The following AP2A2 variants were observed in gnomAD, a reference collection of about 807,000 sequenced individuals.
AP2A2 encodes AP-2 complex subunit alpha-2.
AP2A2 carries 32 observed loss-of-function variants against 104.2 expected under a neutral mutation model. The observed-to-expected ratio is 0.31, with a 90% CI of 0.23 to 0.41. The LOEUF (loss-of-function observed/expected upper bound fraction) is 0.41. Among genes scored for constraint, AP2A2 ranks in the 10% least tolerant of loss-of-function variants. The pLI, the probability that AP2A2 is intolerant of heterozygous loss-of-function variation, is 1.00. For synonymous variants in AP2A2, 539 were observed against 533.3 expected (o/e 1.01, Z -0.15); for missense variants, 912 against 1,261.0 (o/e 0.72, Z 4.19).
Position 988,444 on chromosome 11 carries a change from G to A in AP2A2, c.1132-108G>A, listed in dbSNP as rs1183863379. The A allele has an allele frequency of 2.1e-6, 3 of 1,402,652 alleles. No homozygotes were observed. In the African/African-American group the frequency reaches 4.2e-5, roughly 20 times the overall value. 86.9% of individuals were successfully genotyped at this position (1,402,652 alleles called of 1,614,324 possible). On this transcript the variant is annotated intron_variant, in intron 9 of 21. Transcript: ENST00000448903. ...TCCCTGGACCTGGATGTGCATGTGA[G>A]GGAAACTCAGAGTGGGTGTTGAGAT...
intron 17 of AP2A2, chr11:1,006,889 C>T: frequency 2.3e-6 from 1 of 429,912 alleles, no homozygotes; most frequent in East Asian, 4.3e-5. Flanking sequence ...GTGTGAGTCC[C>T]TTTCCTTTTC....
chr11:1,010,189 C>T (rs1485527694), intron 21 of AP2A2: 1 of 482,522 alleles, frequency 2.1e-6, no homozygotes, highest in Non-Finnish European at 3.7e-6. Flanking sequence ...TGTTCCTTCT[C>T]ACCACGTCCC....
chr11:993,965 G>A lies in AP2A2; in HGVS notation c.1762G>A (p.Val588Met), dbSNP rs767531638. 1.1e-4 allele frequency: 184 copies of A among 1,611,840 alleles called. No individual in the cohort carries two copies. The highest frequency in any genetic ancestry group is 1.5e-4 in the Non-Finnish European group (176 of 1,179,224). Residue 588 changes from valine (V) to methionine (M), a missense_variant, in exon 13 of 22, where the codon GTG becomes ATG. Around this residue, in one of 7 missense-constraint regions of AP2A2, gnomAD observed 137 missense variants for 186.9 expected, o/e 0.73. Transcript: ENST00000448903. The surrounding 1 kb of genome is among the most constrained non-coding windows in gnomAD (Gnocchi z 8.2). ...TGTGGAGTACCTGCGGCTCAGCACC[G>A]TGGCCAGCACCGACATTCTGGTAGG... ...RAVEYLRLST[V>M]ASTDILATVL...
intron 1 of AP2A2, 33 bp downstream of exon 1, chr11:926,121 GGGGCCGCCGGCGGAGACGGGGTCT>G (rs1464175925): frequency 1.4e-5 from 17 of 1,243,498 alleles, no homozygotes; most frequent in African/African-American, 6.3e-5. Context: ...GGCCGGGGCC[GGGGCCGCCGGCGGAGACGGGGTCT>G]GGGAGCGGAG....
chr11:925,880 G>T lies in AP2A2; in HGVS notation c.-142G>T. The T allele has an allele frequency of 3.9e-6, 2 of 516,086 alleles. No individual in the cohort carries two copies. Among genetic ancestry groups the T allele is most frequent in the Admixed American group, 4.7e-5 (1 of 21,118 alleles). 32.0% of individuals were successfully genotyped at this position (516,086 alleles called of 1,614,324 possible). A position where few individuals can be genotyped will look rare whatever the true frequency, so the allele number is the denominator to read the frequency against. ...CGCGCGCGGCGGCCCAGAAAGCGGC[G>T]CTGGGACCCTGAGGCGGCCGTGGTT... On this transcript the variant is annotated 5_prime_UTR_variant, in exon 1 of 22. Transcript: ENST00000448903.
intron 1 of AP2A2, among the ~76,000 whole-genome samples, chr11:949,190 C>T (rs973671924): frequency 1.3e-5 from 2 of 151,562 alleles, no homozygotes; most frequent in Non-Finnish European, 2.9e-5. Context: ...GCAGGAGAAT[C>T]GCTTGAAACC....
intron 9 of AP2A2, among the ~76,000 whole-genome samples, chr11:987,456 C>T (rs554362840): frequency 1.4e-4 from 21 of 151,870 alleles, no homozygotes; most frequent in African/African-American, 1.9e-4. Context: ...GAGACCATCC[C>T]GGCTAACACG....
At position 925,954 on chromosome 11, in the gene AP2A2, C is replaced by G. The variant is rs1036364440; in HGVS notation, c.-68C>G. ...CGCGGCGGTGACGGCGACCGCACTC[C>G]CCGCTTCCCGCTCCCCGCGCTCCTC... On this transcript the variant is annotated 5_prime_UTR_variant, in exon 1 of 22. Coordinates refer to ENST00000448903, the MANE Select transcript of AP2A2 (RefSeq NM_012305.4). 1.6e-6 allele frequency: 2 copies of G among 1,259,232 alleles called. No homozygotes were observed. Among genetic ancestry groups the G allele is most frequent in the East Asian group, 6.6e-5 (2 of 30,188 alleles). The allele number at this position is 1,259,232 out of a possible 1,614,324, so 78.0% of individuals were successfully genotyped here.
In AP2A2 at chr11:993,063, C is replaced by T. The variant is rs1855715683; in HGVS notation, c.1453-221C>T. ...CAGCCAGAGCCTGTTGTGGATGCTG[C>T]AGCTCCCTCCAGGGCAGGTCAGCGT... is the stretch of plus-strand genomic sequence containing the variant. On this transcript the variant is annotated intron_variant, in intron 11 of 21. Transcript: ENST00000448903. The surrounding 1 kb of genome is among the most constrained non-coding windows in gnomAD (Gnocchi z 8.2). 6.6e-6 allele frequency among the ~76,000 whole-genome samples: 1 copy of T among 152,196 alleles called. No homozygotes were observed. The highest frequency in any genetic ancestry group is 2.4e-5 in the African/African-American group (1 of 41,452).
intron 10 of AP2A2, among the ~76,000 whole-genome samples, chr11:989,418 T>C (rs1475496517): frequency 6.6e-6 from 1 of 152,170 alleles, no homozygotes; most frequent in African/African-American, 2.4e-5. Context: ...GCCCCAGGTC[T>C]GAGTGAGGCT....
chr11:932,542 C>T (rs1853324484), intron 1 of AP2A2, among the ~76,000 whole-genome samples: 1 of 152,232 alleles, frequency 6.6e-6, no homozygotes, highest in Non-Finnish European at 1.5e-5. Flanking sequence ...TTTGACTGTA[C>T]ATTCCTAAAA....
At chr11:946,259 A>G (rs1231095027) in intron 1 of AP2A2, among the ~76,000 whole-genome samples, 1 of 152,106 alleles carries the variant, frequency 6.6e-6, no homozygotes, top group Non-Finnish European at 1.5e-5. Context: ...CTGCCTTATA[A>G]CCATGGTAGC....
chr11:956,255 T>A (rs1272582836), intron 1 of AP2A2, among the ~76,000 whole-genome samples: 1 of 152,106 alleles, frequency 6.6e-6, no homozygotes, highest in African/African-American at 2.4e-5. Flanking sequence ...CTCTGCCTCC[T>A]GGGTTCAAGT....
At chr11:1,007,029 T>A (rs1174262371) in intron 17 of AP2A2, 1 of 163,316 alleles carries the variant, frequency 6.1e-6, no homozygotes, top group Non-Finnish European at 1.3e-5. Context: ...GCCGAGCTTG[T>A]GTGTGCTTCT....
chr11:938,674 C>T (rs535663223), intron 1 of AP2A2, among the ~76,000 whole-genome samples: 1 of 151,988 alleles, frequency 6.6e-6, no homozygotes, highest in South Asian at 2.1e-4. Flanking sequence ...CGGGGTTTCA[C>T]CGTGTTAACC....
chr11:997,503 A>G (rs549615160), intron 14 of AP2A2, among the ~76,000 whole-genome samples: 2 of 152,316 alleles, frequency 1.3e-5, no homozygotes, highest in African/African-American at 4.8e-5. Flanking sequence ...TTAGGACCCT[A>G]CTGTCCTGGG....
At position 1,010,676 on chromosome 11, in the gene AP2A2, G is replaced by A; in HGVS notation, c.*51G>A. 6.7e-7 allele frequency: 1 copy of A among 1,490,706 alleles called. No homozygotes were observed. The highest frequency in any genetic ancestry group is 9.2e-7 in the Non-Finnish European group (1 of 1,089,502). The allele number at this position is 1,490,706 out of a possible 1,614,324, so 92.3% of individuals were successfully genotyped here. A position where few individuals can be genotyped will look rare whatever the true frequency, so the allele number is the denominator to read the frequency against. ...TGTGTCTTGTGTTGTCTTCGTCTGT[G>A]CCGTTTGTCTTCGTGGCCATCCTGC... On this transcript the variant is annotated 3_prime_UTR_variant, in exon 22 of 22. Coordinates refer to ENST00000448903, the MANE Select transcript of AP2A2 (RefSeq NM_012305.4).
At chr11:970,616 C>CCTTA (rs370101563) in intron 3 of AP2A2, among the ~76,000 whole-genome samples, 1 of 152,402 alleles carries the variant, frequency 6.6e-6, no homozygotes, top group Non-Finnish European at 1.5e-5. Flanking sequence ...TTGCAACCTC[C>CCTTA]CTTACGGCGA....
chr11:974,837 T>C (rs1161299016), intron 4 of AP2A2, among the ~76,000 whole-genome samples: 1 of 150,132 alleles, frequency 6.7e-6, no homozygotes, highest in Non-Finnish European at 1.5e-5. Flanking sequence ...CCAGAAAAAT[T>C]AGCTGGGCAT....
Sources: allele counts gnomAD v4.1 joint callset (sites outside exome capture counted in the v4.1 genomes callset), GRCh38; gene constraint gnomAD v4.1.1; regional missense constraint gnomAD v4.1.1; non-coding constraint Gnocchi (gnomAD v3.1); transcripts MANE v1.5; gene names NCBI Gene and HGNC (gene_info 2026-07-23, HGNC 2026-07-21).